Variants in AGBL3 observed in about 807,000 individuals in gnomAD.
AGBL3 encodes the protein AGBL carboxypeptidase 3.
AGBL3 carries 68 observed loss-of-function variants against 94.5 expected under a neutral mutation model. The ratio of observed to expected loss-of-function variants is 0.72; its 90% CI spans 0.59 to 0.88. The LOEUF is 0.88. Among genes scored for constraint, AGBL3 ranks in the 40% least tolerant of loss-of-function variants. The probability of loss-of-function intolerance (pLI) is 0.00; values close to 1 mark genes in which losing one functional copy is unlikely to be tolerated. For synonymous variants in AGBL3, 354 were observed against 370.7 expected (o/e 0.95, Z 0.52); for missense variants, 934 against 1,103.8 (o/e 0.85, Z 2.18).
rs1563184018 is a variant in AGBL3 at position 135,014,219 on chromosome 7, A to AAAC, written c.311-2831_311-2830insCAA. ...TCTGAAAAAAAAAAAAAAAAAAAAA[A>AAAC]AAAAAAAACCCGAAATGTTGATACC... On this transcript the variant is annotated intron_variant, in intron 4 of 16. Coordinates refer to ENST00000436302, the MANE Select transcript of AGBL3 (RefSeq NM_178563.4). Among the ~76,000 whole-genome samples, 143 of 126,138 alleles carry AAAC rather than the reference A, an allele frequency of 1.1e-3. 5 individuals carry two copies. Among genetic ancestry groups the AAAC allele is most frequent in the African/African-American group, 3.9e-3 (140 of 35,694 alleles). The allele number at this position is 126,138 out of a possible 152,430, so 82.8% of individuals were successfully genotyped here.
chr7:135,015,900 A>G (rs1270896953), intron 4 of AGBL3, among the ~76,000 whole-genome samples: 4 of 149,254 alleles, frequency 2.7e-5, no homozygotes, highest in African/African-American at 9.8e-5. Flanking sequence ...GCGTGGTGGC[A>G]GGCGTCTGTA....
chr7:135,064,653 T>C (rs1337568076), intron 12 of AGBL3, among the ~76,000 whole-genome samples: 4 of 152,268 alleles, frequency 2.6e-5, no homozygotes, highest in Admixed American at 6.5e-5. Context: ...GATTGAAAAA[T>C]AGAAAGGAAA....
chr7:135,128,861 C>A, intron 16 of AGBL3: 1 of 1,245,158 alleles, frequency 8.0e-7, no homozygotes, highest in Non-Finnish European at 1.2e-6. Flanking sequence ...TAAATATGAT[C>A]CAGGAAATCT....
intron 11 of AGBL3, among the ~76,000 whole-genome samples, chr7:135,052,886 C>G (rs1818005115): frequency 6.6e-6 from 1 of 151,992 alleles, no homozygotes; most frequent in African/African-American, 2.4e-5. Context: ...TTCCTAGCAC[C>G]AATCAATATT....
At chr7:135,126,040 C>T (rs1417455596) in intron 16 of AGBL3, among the ~76,000 whole-genome samples, 1 of 152,112 alleles carries the variant, frequency 6.6e-6, no homozygotes, top group African/African-American at 2.4e-5. Context: ...GAAGCTCTGG[C>T]CAGGGCAATC....
intron 4 of AGBL3, chr7:135,011,424 C>T (rs946357574): frequency 2.0e-5 from 3 of 151,924 alleles, no homozygotes; most frequent in Admixed American, 6.6e-5. Context: ...AATTTGACTA[C>T]GATACAATTA....
At chr7:135,083,541 T>C (rs1376913554) in intron 15 of AGBL3, among the ~76,000 whole-genome samples, 2 of 151,822 alleles carry the variant, frequency 1.3e-5, no homozygotes, top group African/African-American at 2.4e-5. Context: ...AAAAAGAACA[T>C]TCTCTTACAT....
chr7:135,034,262 C>G lies in AGBL3; in HGVS notation c.671C>G (p.Thr224Ser), dbSNP rs1348644339. ...CGAGCAGGAATAGTCTACAGATTCACTATTGTCAACTTCACCAAACCTGCT... is the reference window on the plus strand; with the variant it reads ...CGAGCAGGAATAGTCTACAGATTCAGTATTGTCAACTTCACCAAACCTGCT... Reference protein sequence around the residue: ...NMRAGIVYRFTIVNFTKPASL... With the variant: ...NMRAGIVYRFSIVNFTKPASL... The change falls in exon 7 of 17, where the codon ACT (threonine) becomes AGT (serine). Residue 224 changes from threonine (T) to serine (S), a missense_variant. This residue lies in a region of AGBL3 where 488 missense variants were observed against 563.6 expected (regional missense o/e 0.87). Transcript: ENST00000436302. 6.4e-7 allele frequency: 1 copy of G among 1,551,748 alleles called. No individual in the cohort carries two copies. Among genetic ancestry groups the G allele is most frequent in the Non-Finnish European group, 8.7e-7 (1 of 1,146,990 alleles).
At chr7:135,052,984 G>A (rs1354752702) in intron 11 of AGBL3, among the ~76,000 whole-genome samples, 4 of 152,154 alleles carry the variant, frequency 2.6e-5, no homozygotes, top group Non-Finnish European at 5.9e-5. Context: ...GATACACATT[G>A]AAGAAAGCTT....
At chr7:134,996,059 A>G (rs1385275728) in intron 4 of AGBL3, among the ~76,000 whole-genome samples, 1 of 152,124 alleles carries the variant, frequency 6.6e-6, no homozygotes, top group Non-Finnish European at 1.5e-5. Context: ...AGATTTTACA[A>G]ATTTGGATAT....
At position 135,132,776 on chromosome 7, in the gene AGBL3, G is replaced by A. The variant is rs144055427; in HGVS notation, c.2343-2065G>A. 3.4e-3 allele frequency among the ~76,000 whole-genome samples: 512 copies of A among 152,144 alleles called. 2 individuals are homozygous for A. The highest frequency in any genetic ancestry group is 0.012 in the African/African-American group (480 of 41,482). ...TGACTTTGCTCCTCCTTTGCCTTCC[G>A]CCAAGATTGCGAGGCCTCCCCAGCC... On this transcript the variant is annotated intron_variant, in intron 16 of 16. Coordinates refer to ENST00000436302, the MANE Select transcript of AGBL3 (RefSeq NM_178563.4).
rs778386258 is a variant in AGBL3, at chr7:135,096,566, T to A, written c.2110+14776T>A. Among the ~76,000 whole-genome samples the A allele has an allele frequency of 3.0e-3, 82 of 27,158 alleles. 3 individuals are homozygous for A. The highest frequency in any genetic ancestry group is 4.3e-3 in the Non-Finnish European group (50 of 11,600). The allele number at this position is 27,158 out of a possible 152,430, so 17.8% of individuals were successfully genotyped here. ...AAAGAAAGAAAGAAAGAAAGATAGATAGATAGATAGATAGATACATAGATA... is the reference window on the plus strand; with the variant it reads ...AAAGAAAGAAAGAAAGAAAGATAGAAAGATAGATAGATAGATACATAGATA... On this transcript the variant is annotated intron_variant, in intron 15 of 16. Transcript: ENST00000436302.
intron 16 of AGBL3, among the ~76,000 whole-genome samples, chr7:135,116,870 A>G (rs916554421): frequency 1.3e-5 from 2 of 152,014 alleles, no homozygotes; most frequent in Non-Finnish European, 2.9e-5. Context: ...AGTACAGGCT[A>G]TTGTTGAGAG....
At chr7:135,003,656 A>AGT (rs879444584) in intron 4 of AGBL3, among the ~76,000 whole-genome samples, 1 of 146,124 alleles carries the variant, frequency 6.8e-6, no homozygotes, top group African/African-American at 2.5e-5. Context: ...TTATAGTTTT[A>AGT]ATTTTTTTTT....
chr7:135,015,365 A>G (rs1397167884), intron 4 of AGBL3, among the ~76,000 whole-genome samples: 1 of 152,196 alleles, frequency 6.6e-6, no homozygotes. Context: ...GCATTGTTCA[A>G]CCATCCATTC....
rs1373074635 is a variant in AGBL3 at position 135,082,730 on chromosome 7, T to C, written c.2110+940T>C. On this transcript the variant is annotated intron_variant, in intron 15 of 16. Transcript: ENST00000436302. ...GGTTCATTGTGCTTGACCTTAAATT[T>C]ATTCCTGTTAAATTTAAATTTAACC... 3.3e-5 allele frequency among the ~76,000 whole-genome samples: 5 copies of C among 152,284 alleles called. No individual in the cohort carries two copies. In the East Asian group the frequency reaches 9.6e-4, roughly 29 times the overall value.
At chr7:135,097,217 G>A (rs1823037504) in intron 15 of AGBL3, among the ~76,000 whole-genome samples, 1 of 152,060 alleles carries the variant, frequency 6.6e-6, no homozygotes, top group African/African-American at 2.4e-5. Context: ...GGTCAACAAA[G>A]GGAAAATTTT....
At chr7:135,067,707 A>G (rs1253939616) in intron 12 of AGBL3, among the ~76,000 whole-genome samples, 1 of 152,262 alleles carries the variant, frequency 6.6e-6, no homozygotes, top group African/African-American at 2.4e-5. Flanking sequence ...ACTAACAAAC[A>G]GAAAGGACAT....
At chr7:135,063,724 A>C (rs757204934) in intron 12 of AGBL3, among the ~76,000 whole-genome samples, 2 of 152,226 alleles carry the variant, frequency 1.3e-5, no homozygotes, top group Non-Finnish European at 2.9e-5. Flanking sequence ...CCTACTATGC[A>C]GTCACAAAAG....
Sources: gnomAD v4.1 joint callset for allele counts (sites outside exome capture counted in the v4.1 genomes callset) on GRCh38, gnomAD v4.1.1 for gene constraint, gnomAD v4.1.1 regional missense constraint, MANE v1.5 for transcripts, NCBI Gene and HGNC (gene_info 2026-07-23, HGNC 2026-07-21) for gene names.